ALK: variants seen among roughly 807,000 people sequenced by gnomAD.
The protein encoded by ALK is ALK receptor tyrosine kinase, also known as ALK tyrosine kinase receptor.
Under a neutral mutation model 163.1 loss-of-function variants are expected in ALK, and 74 were observed. The observed-to-expected ratio is 0.45, with a 90% CI of 0.38 to 0.55. The LOEUF (loss-of-function observed/expected upper bound fraction) is 0.55. ALK is among the 20% of genes least tolerant of loss of function. The pLI, the probability that ALK is intolerant of heterozygous loss-of-function variation, is 0.00. For missense variants in ALK, 2,063 were observed against 2,105.3 expected (o/e 0.98, Z 0.39); for synonymous variants, 960 against 843.2 (o/e 1.14, Z -2.40).
chr2:29,298,863 C>T (rs1211825032), intron 8 of ALK, among the ~76,000 whole-genome samples: 2 of 152,220 alleles, frequency 1.3e-5, no homozygotes, highest in Non-Finnish European at 1.5e-5. Context: ...CCAGTCCTTG[C>T]TCTTTTAGTT....
At chr2:29,584,490 C>T (rs921226472) in intron 3 of ALK, among the ~76,000 whole-genome samples, 35 of 152,136 alleles carry the variant, frequency 2.3e-4, no homozygotes, top group Admixed American at 2.1e-3. Context: ...TGCAGGCATC[C>T]ACACATCCGT....
chr2:29,699,096 C>G (rs1678654711), intron 2 of ALK, among the ~76,000 whole-genome samples: 2 of 152,188 alleles, frequency 1.3e-5, no homozygotes, highest in African/African-American at 2.4e-5. Context: ...TCTTCCAACT[C>G]AGTGCCTATG....
At chr2:29,773,316 C>A (rs1413337902) in intron 1 of ALK, among the ~76,000 whole-genome samples, 1 of 152,024 alleles carries the variant, frequency 6.6e-6, no homozygotes, top group African/African-American at 2.4e-5. Context: ...TACCTATAAG[C>A]AATTGCTCAG....
At chr2:29,889,374 A>T (rs1053733189) in intron 1 of ALK, among the ~76,000 whole-genome samples, 5 of 152,162 alleles carry the variant, frequency 3.3e-5, no homozygotes, top group Non-Finnish European at 7.3e-5. Flanking sequence ...GAATGATACC[A>T]TTCAAAGCAG....
Position 29,239,699 on chromosome 2 carries a change from C to G in ALK, c.2336G>C (p.Gly779Ala). The G allele has an allele frequency of 6.2e-7, 1 of 1,613,986 alleles. No homozygotes were observed. The highest frequency in any genetic ancestry group is 8.5e-7 in the Non-Finnish European group (1 of 1,180,042). ...DMLYILVGQQ[G>A]EDACPSTNQL... ...ACTTACACTGGGGCAGGCGTCCTCT[C>G]CCTGCTGCCCAACCAGGATGTACAG... The change falls in exon 13 of 29, where the codon GGA becomes GCA. Residue 779 changes from glycine (G) to alanine (A), a missense_variant. Around this residue, in one of 5 missense-constraint regions of ALK, gnomAD observed 575 missense variants for 626.6 expected, o/e 0.92. Coordinates refer to ENST00000389048, the MANE Select transcript of ALK (RefSeq NM_004304.5).
chr2:29,758,947 C>T (rs2148335778), intron 1 of ALK, among the ~76,000 whole-genome samples: 1 of 152,266 alleles, frequency 6.6e-6, no homozygotes, highest in Admixed American at 6.5e-5. Flanking sequence ...AATTTGCCTT[C>T]TCTGGGAATA....
At chr2:29,798,200 G>A (rs1225614239) in intron 1 of ALK, among the ~76,000 whole-genome samples, 3 of 152,186 alleles carry the variant, frequency 2.0e-5, no homozygotes, top group Non-Finnish European at 4.4e-5. Context: ...ACCATGTTGG[G>A]ACTTATGTGG....
In ALK at chr2:29,229,609, G is replaced by A. The variant is rs149055818; in HGVS notation, c.2633-543C>T. Among the ~76,000 whole-genome samples, 10 of 152,292 alleles carry A rather than the reference G, an allele frequency of 6.6e-5. No homozygotes were observed. The East Asian group carries it at 1.4e-3, about 21-fold the overall frequency. ...TGTCTGTGAAACCCTGGGGAAGAACGCCCCATTCTGAGCCTGTGTTTCCTC... is the reference window on the plus strand; with the variant it reads ...TGTCTGTGAAACCCTGGGGAAGAACACCCCATTCTGAGCCTGTGTTTCCTC... On this transcript the variant is annotated intron_variant, in intron 15 of 28. Transcript: ENST00000389048.
chr2:29,279,512 G>C (rs13407772), intron 9 of ALK, among the ~76,000 whole-genome samples: 16,625 of 152,156 alleles, frequency 0.11, 979 homozygotes, highest in African/African-American at 0.14. Context: ...TGGGGTCTGT[G>C]GGTGGTAGGT....
chr2:29,842,064 T>TC (rs1448809911), intron 1 of ALK, among the ~76,000 whole-genome samples: 17 of 151,710 alleles, frequency 1.1e-4, no homozygotes, highest in African/African-American at 3.6e-4. Context: ...TTTTTCTCCA[T>TC]CCTCCCCCCT....
intron 5 of ALK, among the ~76,000 whole-genome samples, chr2:29,335,356 T>G (rs1667579795): frequency 6.6e-6 from 1 of 152,214 alleles, no homozygotes; most frequent in Non-Finnish European, 1.5e-5. Context: ...TTTTAATAGC[T>G]TACAATGTGT....
chr2:29,434,393 TC>T (rs1670348930), intron 4 of ALK, among the ~76,000 whole-genome samples: 1 of 152,184 alleles, frequency 6.6e-6, no homozygotes, highest in East Asian at 1.9e-4. Flanking sequence ...CTGCTTTGTC[TC>T]CTGGGAATAT....
At chr2:29,559,722 G>T (rs1407535496) in intron 3 of ALK, among the ~76,000 whole-genome samples, 1 of 151,294 alleles carries the variant, frequency 6.6e-6, no homozygotes, top group Non-Finnish European at 1.5e-5. Context: ...GGGTGGAGCT[G>T]CTGTGCCTGT....
At chr2:29,599,717 T>C (rs1675322590) in intron 3 of ALK, among the ~76,000 whole-genome samples, 1 of 152,102 alleles carries the variant, frequency 6.6e-6, no homozygotes. Context: ...ACTATTTAAG[T>C]GTAAAAAGAG....
At chr2:29,321,573 A>G (rs1354353822) in intron 6 of ALK, among the ~76,000 whole-genome samples, 1 of 152,156 alleles carries the variant, frequency 6.6e-6, no homozygotes, top group Non-Finnish European at 1.5e-5. Context: ...CCTTGTGTAA[A>G]TCTTTGGTCT....
At chr2:29,820,712 G>A (rs1216310558) in intron 1 of ALK, among the ~76,000 whole-genome samples, 1 of 152,216 alleles carries the variant, frequency 6.6e-6, no homozygotes, top group African/African-American at 2.4e-5. Flanking sequence ...GAAGTGCTGG[G>A]TCTGACCCTG....
intron 3 of ALK, among the ~76,000 whole-genome samples, chr2:29,534,383 G>A (rs1558371978): frequency 6.6e-6 from 1 of 152,220 alleles, no homozygotes; most frequent in Non-Finnish European, 1.5e-5. Flanking sequence ...TCCAGTACTA[G>A]GGTAGTGTGT....
intron 3 of ALK, among the ~76,000 whole-genome samples, chr2:29,573,956 GGAGA>G (rs1164447331): frequency 4.6e-5 from 7 of 152,126 alleles, no homozygotes; most frequent in Non-Finnish European, 1.5e-5. Flanking sequence ...ACAATAAAAA[GGAGA>G]GAGAGATGGA....
chr2:29,820,971 G>A (rs1665031172), intron 1 of ALK, among the ~76,000 whole-genome samples: 1 of 152,208 alleles, frequency 6.6e-6, no homozygotes, highest in Admixed American at 6.5e-5. Flanking sequence ...TGGGGGTAGA[G>A]CAGAGTGATG....
Sources: allele counts gnomAD v4.1 joint callset (sites outside exome capture counted in the v4.1 genomes callset), GRCh38; gene constraint gnomAD v4.1.1; regional missense constraint gnomAD v4.1.1; transcripts MANE v1.5; gene names NCBI Gene and HGNC (gene_info 2026-07-23, HGNC 2026-07-21).